The following ATP2B1 variants were observed in gnomAD, a reference collection of about 807,000 sequenced individuals.
ATP2B1 encodes plasma membrane calcium-transporting ATPase 1.
ATP2B1 carries 14 observed loss-of-function variants against 124.2 expected under a neutral mutation model. That is an observed-to-expected ratio of 0.11 (90% CI 0.07 to 0.18). ATP2B1 has a LOEUF of 0.18. ATP2B1 is among the 10% of genes least tolerant of loss of function. The probability of loss-of-function intolerance (pLI) is 1.00; values close to 1 mark genes in which losing one functional copy is unlikely to be tolerated. For synonymous variants in ATP2B1, 449 were observed against 492.4 expected, an observed-to-expected ratio of 0.91 and a Z score of 1.17; for missense variants, 763 against 1,466.1, an observed-to-expected ratio of 0.52 and a Z score of 7.83.
At chr12:89,702,042 G>T (rs73437378) in intron 1 of ATP2B1, among the ~76,000 whole-genome samples, 144 of 152,338 alleles carry the variant, frequency 9.5e-4, no homozygotes, top group African/African-American at 3.4e-3. Flanking sequence ...GTGCAAAGCA[G>T]TGATCCTGGT....
At chr12:89,640,703 T>C (rs1820161614) in intron 3 of ATP2B1, among the ~76,000 whole-genome samples, 1 of 152,140 alleles carries the variant, frequency 6.6e-6, no homozygotes, top group African/African-American at 2.4e-5. Flanking sequence ...GTTTGGATCA[T>C]GGGGGTGGAA....
chr12:89,693,767 A>G (rs1890810889), intron 1 of ATP2B1, among the ~76,000 whole-genome samples: 1 of 152,234 alleles, frequency 6.6e-6, no homozygotes, highest in South Asian at 2.1e-4. Context: ...ATGAATAAAT[A>G]CAGCAAGTAA....
At chr12:89,632,905 G>T (rs1882100871) in intron 5 of ATP2B1, among the ~76,000 whole-genome samples, 1 of 152,152 alleles carries the variant, frequency 6.6e-6, no homozygotes, top group African/African-American at 2.4e-5. Flanking sequence ...AGTCATCTCT[G>T]TTAAAACAGA....
At chr12:89,630,069 A>G (rs1278319931) in intron 6 of ATP2B1, among the ~76,000 whole-genome samples, 2 of 152,254 alleles carry the variant, frequency 1.3e-5, no homozygotes, top group Non-Finnish European at 2.9e-5. Context: ...AAGGTGTCAA[A>G]GTGAAGTCCT....
chr12:89,612,908 T>G (rs2136017393), intron 12 of ATP2B1, among the ~76,000 whole-genome samples: 1 of 152,300 alleles, frequency 6.6e-6, no homozygotes, highest in African/African-American at 2.4e-5. Flanking sequence ...GAGCTAAGTA[T>G]TTACTGAACT....
intron 2 of ATP2B1, among the ~76,000 whole-genome samples, chr12:89,649,210 G>A (rs1001012690): frequency 9.2e-5 from 14 of 152,220 alleles, no homozygotes; most frequent in Admixed American, 3.3e-4. Context: ...CTAGATCCTA[G>A]AACAGTAGAG....
At chr12:89,597,021 T>G (rs1874752525) in intron 20 of ATP2B1, among the ~76,000 whole-genome samples, 2 of 152,168 alleles carry the variant, frequency 1.3e-5, no homozygotes, top group Non-Finnish European at 2.9e-5. Context: ...AGGACCCTGT[T>G]AAGACAGTTT....
intron 1 of ATP2B1, among the ~76,000 whole-genome samples, chr12:89,685,550 A>G (rs967429970): frequency 4.6e-5 from 7 of 152,082 alleles, no homozygotes; most frequent in African/African-American, 1.7e-4. Flanking sequence ...CAGAAATGCA[A>G]ATTCTCAGAC....
chr12:89,633,001 T>C (rs554883973), intron 5 of ATP2B1, among the ~76,000 whole-genome samples: 60 of 152,270 alleles, frequency 3.9e-4, no homozygotes, highest in African/African-American at 1.4e-3. Flanking sequence ...GTCCATGCAG[T>C]ATACATAGCA....
At chr12:89,625,821 T>C (rs1880786908) in intron 8 of ATP2B1, among the ~76,000 whole-genome samples, 2 of 152,118 alleles carry the variant, frequency 1.3e-5, no homozygotes, top group African/African-American at 4.8e-5. Context: ...ACGTCACTTT[T>C]TCCATCATAC....
At chr12:89,707,223 G>A (rs1892572588) in intron 1 of ATP2B1, among the ~76,000 whole-genome samples, 1 of 152,084 alleles carries the variant, frequency 6.6e-6, no homozygotes, top group Admixed American at 6.5e-5. Context: ...AGTGGTGAAG[G>A]CCCTCCATTC....
rs774444263 is a variant in ATP2B1 at position 89,634,998 on chromosome 12, A to G, written c.660T>C (p.Tyr220=). The change falls in exon 4 of 21, where the codon TAT becomes TAC. Residue 220 remains tyrosine, a splice_region_variant and synonymous_variant. Transcript: ENST00000428670. ...GTACTGCTCTTTTTACTTACTTACC[A>G]TATTTCACTTGAGCAATATCTCCAA... The part of the protein sequence containing the change: ...ITVGDIAQVK[Y]GDLLPADGIL... 34 of 1,613,624 alleles carry G rather than the reference A, an allele frequency of 2.1e-5. No homozygotes were observed. Among genetic ancestry groups the G allele is most frequent in the South Asian group, 1.1e-4 (10 of 91,062 alleles).
chr12:89,630,921 C>T (rs2136162844), intron 5 of ATP2B1, among the ~76,000 whole-genome samples: 1 of 151,774 alleles, frequency 6.6e-6, no homozygotes, highest in Non-Finnish European at 1.5e-5. Context: ...ATACACGCCA[C>T]TACACTCTGC....
intron 2 of ATP2B1, among the ~76,000 whole-genome samples, chr12:89,650,494 G>A (rs75026274): frequency 2.0e-5 from 3 of 152,114 alleles, no homozygotes; most frequent in South Asian, 2.1e-4. Context: ...CAAGCAACCA[G>A]TTAAACACTG....
chr12:89,602,777 C>T (rs1340729201), intron 18 of ATP2B1, among the ~76,000 whole-genome samples: 1 of 152,076 alleles, frequency 6.6e-6, no homozygotes, highest in Non-Finnish European at 1.5e-5. Context: ...GATTGGCTGA[C>T]TTTGTTTCCT....
At chr12:89,705,409 G>GT (rs1307710899) in intron 1 of ATP2B1, among the ~76,000 whole-genome samples, 1 of 151,840 alleles carries the variant, frequency 6.6e-6, no homozygotes, top group African/African-American at 2.4e-5. Flanking sequence ...TCCTTTTATT[G>GT]TTTTTTGCTC....
At chr12:89,674,624 C>T (rs756944986) in intron 1 of ATP2B1, among the ~76,000 whole-genome samples, 2 of 152,148 alleles carry the variant, frequency 1.3e-5, no homozygotes, top group African/African-American at 4.8e-5. Context: ...ATTTCAACAG[C>T]GTTTTTGGTT....
intron 16 of ATP2B1, 75 bp downstream of exon 16, chr12:89,604,080 G>A (rs1876384369): frequency 6.9e-7 from 1 of 1,458,246 alleles, no homozygotes; most frequent in Non-Finnish European, 9.3e-7. Context: ...TAAATATTAA[G>A]TATTTTTTAA....
At chr12:89,703,815 AT>A (rs965629335) in intron 1 of ATP2B1, among the ~76,000 whole-genome samples, 47 of 152,280 alleles carry the variant, frequency 3.1e-4, no homozygotes, top group African/African-American at 1.1e-3. Flanking sequence ...TTTGCTACTG[AT>A]TTAGGTATCT....
Sources: gnomAD v4.1 joint callset for allele counts (sites outside exome capture counted in the v4.1 genomes callset) on GRCh38, gnomAD v4.1.1 for gene constraint, MANE v1.5 for transcripts, NCBI Gene and HGNC (gene_info 2026-07-23, HGNC 2026-07-21) for gene names.